Variants in ARHGEF18 observed in about 807,000 individuals in gnomAD.
ARHGEF18 encodes the protein Rho/Rac guanine nucleotide exchange factor 18, also known as rho guanine nucleotide exchange factor 18.
ARHGEF18 carries 93 observed loss-of-function variants against 155.7 expected under a neutral mutation model. The observed-to-expected ratio is 0.60, with a 90% confidence interval of 0.50 to 0.71. The LOEUF (loss-of-function observed/expected upper bound fraction) is 0.71, where lower values mean the gene tolerates loss of function less well. Among genes scored for constraint, ARHGEF18 ranks in the 30% least tolerant of loss-of-function variants. The pLI, the probability that ARHGEF18 is intolerant of heterozygous loss-of-function variation, is 0.00. For missense variants in ARHGEF18, 1,593 were observed against 1,816.1 expected (o/e 0.88, Z 2.23); for synonymous variants, 742 against 753.1 (o/e 0.99, Z 0.24).
intron 1 of ARHGEF18, among the ~76,000 whole-genome samples, chr19:7,356,294 CGAGTCTCATT>C (rs148785802): frequency 0.045 from 6,755 of 148,866 alleles, 519 homozygotes; most frequent in African/African-American, 0.16. Context: ...TTTCTGAGAC[CGAGTCTCATT>C]CGGTCGCCGA....
chr19:7,446,923 A>G (rs1975036567), intron 14 of ARHGEF18, 120 bp from the exon 15 acceptor site: 2 of 1,273,204 alleles, frequency 1.6e-6, no homozygotes, highest in Non-Finnish European at 1.1e-6. Context: ...AAGAAGAAAG[A>G]AAGAAAATGG....
rs755609377 is a variant in ARHGEF18, at chr19:7,464,633, G to A, written c.2847G>A (p.Pro949=). ...ACTGGCGAGGCCCCCCAAACAGCCCGGACTTGAAGCTCAGTGACAGTGACA... is the reference window on the plus strand; with the variant it reads ...ACTGGCGAGGCCCCCCAAACAGCCCAGACTTGAAGCTCAGTGACAGTGACA... ...PRDWRGPPNS[P]DLKLSDSDIP... is the part of the protein sequence containing the mutation. Residue 949 remains proline, a synonymous_variant, in exon 23 of 29, where the codon CCG becomes CCA. Transcript: ENST00000668164. 24 of 1,614,002 alleles carry A rather than the reference G, an allele frequency of 1.5e-5. No homozygotes were observed. The highest frequency in any genetic ancestry group is 3.3e-5 in the South Asian group (3 of 91,082).
intron 1 of ARHGEF18, among the ~76,000 whole-genome samples, chr19:7,361,988 T>A: frequency 8.1e-6 from 1 of 123,844 alleles, no homozygotes; most frequent in Non-Finnish European, 1.7e-5. Flanking sequence ...AGCAAGACTC[T>A]GTGGAAGAAG....
At chr19:7,455,312 A>C (rs554879718) in intron 17 of ARHGEF18, among the ~76,000 whole-genome samples, 2 of 152,312 alleles carry the variant, frequency 1.3e-5, no homozygotes, top group East Asian at 3.9e-4. Flanking sequence ...AAACGGAAAA[A>C]CTAGTTAGAA....
intron 10 of ARHGEF18, among the ~76,000 whole-genome samples, chr19:7,433,499 T>C (rs1402318472): frequency 4.9e-5 from 4 of 81,626 alleles, no homozygotes; most frequent in Admixed American, 2.0e-4. Flanking sequence ...AGAGCAAGAC[T>C]CCGTCTCCAA....
At chr19:7,417,566 G>T (rs377650419) in intron 10 of ARHGEF18, among the ~76,000 whole-genome samples, 15 of 152,146 alleles carry the variant, frequency 9.9e-5, no homozygotes, top group East Asian at 9.7e-4. Flanking sequence ...GACGAGTGGC[G>T]CACGCCTGTA....
intron 2 of ARHGEF18, among the ~76,000 whole-genome samples, chr19:7,371,800 G>A (rs1409519275): frequency 2.7e-5 from 4 of 149,516 alleles, no homozygotes; most frequent in Non-Finnish European, 4.4e-5. Flanking sequence ...CAGCCTGGGC[G>A]ACAGAGCAAG....
downstream of ARHGEF18, among the ~76,000 whole-genome samples, chr19:7,473,666 CG>C (rs1398266608): frequency 1.3e-5 from 2 of 151,966 alleles, no homozygotes; most frequent in African/African-American, 2.4e-5. Flanking sequence ...AGAAATTAGC[CG>C]GGCGTGGTGG....
In ARHGEF18 at chr19:7,462,381, G is replaced by T; in HGVS notation, c.2635+47G>T. ...CAAGGGTGCAGTCTTGCCGGGGTGGGCTCCTCAGGGAACCCCAGGCCAGGC... is the reference window on the plus strand; with the variant it reads ...CAAGGGTGCAGTCTTGCCGGGGTGGTCTCCTCAGGGAACCCCAGGCCAGGC... On this transcript the variant is annotated intron_variant, in intron 21 of 28. Transcript: ENST00000668164. This position sits in a 1 kb window ranked among gnomAD's most constrained non-coding sequence, Gnocchi z 4.4. 6.6e-7 allele frequency: 1 copy of T among 1,517,804 alleles called. No individual in the cohort carries two copies. 94.0% of individuals were successfully genotyped at this position (1,517,804 alleles called of 1,614,324 possible). A position where few individuals can be genotyped will look rare whatever the true frequency, so the allele number is the denominator to read the frequency against.
At chr19:7,438,965 C>T (rs1380201388) in intron 10 of ARHGEF18, among the ~76,000 whole-genome samples, 4 of 151,638 alleles carry the variant, frequency 2.6e-5, no homozygotes, top group Admixed American at 1.3e-4. Flanking sequence ...CTCCGACTCC[C>T]GGGTTCAAGC....
chr19:7,369,100 C>T lies in ARHGEF18; in HGVS notation c.16-3712C>T, dbSNP rs572813668. The stretch of plus-strand genomic sequence containing the variant: ...ATCCCAGCACTTTGGGAGGCCGAGG[C>T]GGGTGAATCATGAGGTCAGGAGTTC... On this transcript the variant is annotated intron_variant, in intron 2 of 28. Transcript: ENST00000668164. 6.2e-3 allele frequency among the ~76,000 whole-genome samples: 948 copies of T among 152,104 alleles called. 11 individuals carry two copies. Among genetic ancestry groups the T allele is most frequent in the African/African-American group, 0.021 (875 of 41,482 alleles).
rs571453217 is a variant in ARHGEF18 at position 7,410,267 on chromosome 19, T to C, written c.967+27064T>C. Among the ~76,000 whole-genome samples the C allele has an allele frequency of 4.6e-5, 7 of 152,262 alleles. No individual in the cohort carries two copies. The South Asian group carries it at 1.5e-3, about 32-fold the overall frequency. ...CTGTGACTGATTGCTTTTGATCTGC[T>C]GAAAGAGAAACCCCCGGCCTCTCTC... is the stretch of plus-strand genomic sequence containing the variant. On this transcript the variant is annotated intron_variant, in intron 10 of 28. Coordinates refer to ENST00000668164, the MANE Select transcript of ARHGEF18 (RefSeq NM_001367823.1).
chr19:7,362,083 G>GAGGAGA (rs1568264762), intron 1 of ARHGEF18, among the ~76,000 whole-genome samples: 2 of 33,554 alleles, frequency 6.0e-5, no homozygotes, highest in South Asian at 1.1e-3. Flanking sequence ...GAAGGAGAAG[G>GAGGAGA]AGAAGGAGAA....
At chr19:7,464,410 G>A (rs1254244651) in intron 22 of ARHGEF18, 150 bp from the exon 23 acceptor site, 1 of 916,896 alleles carries the variant, frequency 1.1e-6, no homozygotes, top group East Asian at 2.6e-5. Flanking sequence ...AGACCAGCCT[G>A]CCCCTCTCCA....
In ARHGEF18 at chr19:7,463,948, C is replaced by A. The variant is rs762742292; in HGVS notation, c.2766C>A (p.Pro922=). 2 of 1,589,304 alleles carry A rather than the reference C, an allele frequency of 1.3e-6. No individual in the cohort carries two copies. Among genetic ancestry groups the A allele is most frequent in the South Asian group, 1.1e-5 (1 of 87,652 alleles). The change falls in exon 22 of 29, where the codon CCC becomes CCA. Residue 922 remains proline (P), a synonymous_variant. Coordinates refer to ENST00000668164, the MANE Select transcript of ARHGEF18 (RefSeq NM_001367823.1). This position sits in a 1 kb window ranked among gnomAD's most constrained non-coding sequence, Gnocchi z 5.2. The part of the protein sequence containing the change: ...TFAGYDCTNS[P]TKNGSFKKKV... The stretch of plus-strand genomic sequence containing the variant: ...CGGGCTACGACTGCACAAACAGCCC[C>A]ACCAAGAGTAAGAGCGGGGCCGTCT...
rs750291978 is a variant in ARHGEF18, at chr19:7,451,134, C to G, written c.1738-15C>G. Reference sequence around the variant, plus strand: ...TCTGAGATGTTAATACAGGATCTTGCTTTCTGTTTCCTAGAAAATTGGCAA... The same window carrying G: ...TCTGAGATGTTAATACAGGATCTTGGTTTCTGTTTCCTAGAAAATTGGCAA... On this transcript the variant is annotated splice_polypyrimidine_tract_variant and intron_variant, in intron 15 of 28. Transcript: ENST00000668164. The G allele has an allele frequency of 6.7e-7, 1 of 1,502,718 alleles. No homozygotes were observed. Among genetic ancestry groups the G allele is most frequent in the East Asian group, 2.4e-5 (1 of 41,316 alleles). 93.1% of individuals were successfully genotyped at this position (1,502,718 alleles called of 1,614,324 possible).
At chr19:7,422,823 A>G (rs187781429) in intron 10 of ARHGEF18, among the ~76,000 whole-genome samples, 89 of 149,976 alleles carry the variant, frequency 5.9e-4, no homozygotes, top group Non-Finnish European at 1.2e-3. Context: ...GGTTCAAGCA[A>G]TTCTCCTGCC....
chr19:7,414,405 G>A (rs561909993), intron 10 of ARHGEF18, among the ~76,000 whole-genome samples: 8 of 152,252 alleles, frequency 5.3e-5, no homozygotes, highest in East Asian at 3.9e-4. Flanking sequence ...GGCCAGGCGC[G>A]GTGGCTGATG....
downstream of ARHGEF18, chr19:7,477,232 GGCCCGGGCCGCCT>G: frequency 6.5e-6 from 10 of 1,535,360 alleles, no homozygotes; most frequent in Non-Finnish European, 8.7e-6. Context: ...CCTGGCCGCC[GGCCCGGGCCGCCT>G]GGTACATGCT....
Sources: allele counts gnomAD v4.1 joint callset (sites outside exome capture counted in the v4.1 genomes callset), GRCh38; gene constraint gnomAD v4.1.1; non-coding constraint Gnocchi (gnomAD v3.1); transcripts MANE v1.5; gene names NCBI Gene and HGNC (gene_info 2026-07-23, HGNC 2026-07-21).